Variants in PUDP observed in about 807,000 individuals in gnomAD.
PUDP encodes pseudouridine 5'-phosphatase.
Under a neutral mutation model 9.4 loss-of-function variants are expected in PUDP, and 8 were observed. That is an observed-to-expected ratio of 0.85 (90% confidence interval 0.50 to 1.53). PUDP has a LOEUF of 1.53. Among genes scored for constraint, PUDP ranks in the 40% most tolerant of loss-of-function variants. The probability of loss-of-function intolerance (pLI) is 0.00; values close to 1 mark genes in which losing one functional copy is unlikely to be tolerated. For missense variants in PUDP, 188 were observed against 189.7 expected, an observed-to-expected ratio of 0.99 and a Z score of 0.05; for synonymous variants, 99 against 80.7, an observed-to-expected ratio of 1.23 and a Z score of -1.22.
intron 2 of PUDP, among the ~76,000 whole-genome samples, chrX:7,077,656 C>G (rs757504800): frequency 8.9e-6 from 1 of 112,391 alleles, no homozygotes; most frequent in East Asian, 2.8e-4. Context: ...ATCAAAAAAG[C>G]TATTGGCGGT....
intron 3 of PUDP, among the ~76,000 whole-genome samples, chrX:6,745,676 C>G (rs1924991623): frequency 9.0e-6 from 1 of 111,245 alleles, no homozygotes; most frequent in Admixed American, 9.6e-5. Context: ...TGGGGTCTTG[C>G]TCTGTTACCC....
At chrX:6,815,798 T>C (rs1167101587) in intron 3 of PUDP, among the ~76,000 whole-genome samples, 4 of 109,933 alleles carry the variant, frequency 3.6e-5, no homozygotes, top group African/African-American at 1.3e-4. Context: ...CCTCAAATCA[T>C]TGAAATATAC....
chrX:6,778,623 G>C (rs771436220), intron 3 of PUDP, among the ~76,000 whole-genome samples: 132 of 112,472 alleles, frequency 1.2e-3, no homozygotes, highest in African/African-American at 4.0e-3. Context: ...ATAATCATTT[G>C]CATCCAGAGT....
intron 1 of PUDP, among the ~76,000 whole-genome samples, chrX:7,136,520 C>G (rs1383014557): frequency 8.9e-6 from 1 of 112,339 alleles, no homozygotes; most frequent in Non-Finnish European, 1.9e-5. Flanking sequence ...GCTAATTCTC[C>G]CATTCTGTCC....
intron 1 of PUDP, among the ~76,000 whole-genome samples, chrX:7,112,274 G>A (rs1932073387): frequency 8.9e-6 from 1 of 111,968 alleles, no homozygotes; most frequent in Non-Finnish European, 1.9e-5. Context: ...TTGATTACGG[G>A]TGCTGCCTGA....
intron 1 of PUDP, among the ~76,000 whole-genome samples, chrX:6,716,738 C>G (rs754147265): frequency 1.8e-5 from 2 of 110,475 alleles, no homozygotes; most frequent in African/African-American, 3.3e-5. Context: ...GTCCAAGTGA[C>G]CCCTGTGCCT....
At chrX:7,052,115 C>G (rs769941302) in intron 3 of PUDP, among the ~76,000 whole-genome samples, 6 of 109,758 alleles carry the variant, frequency 5.5e-5, no homozygotes, top group African/African-American at 1.7e-4. Flanking sequence ...TCACTGCAGC[C>G]TCTACCTCCC....
intron 3 of PUDP, among the ~76,000 whole-genome samples, chrX:6,849,060 G>A (rs1926790011): frequency 8.9e-6 from 1 of 112,240 alleles, no homozygotes. Context: ...TTCCTTTGGG[G>A]AAGTTACAAA....
At chrX:6,802,949 AATAAAATAAAATAAAATAAAATAAAAAT>A (rs1925966203) in intron 3 of PUDP, among the ~76,000 whole-genome samples, 3 of 23,973 alleles carry the variant, frequency 1.3e-4, no homozygotes, top group African/African-American at 2.7e-4. Context: ...AATAAAATAA[AATAAAATAAAATAAAATAAAATAAAAAT>A]ATAAAATAAA....
chrX:6,814,265 C>CT (rs1481486504), intron 3 of PUDP, among the ~76,000 whole-genome samples: 2 of 111,112 alleles, frequency 1.8e-5, no homozygotes, highest in African/African-American at 3.3e-5. Context: ...CCCTACAAAT[C>CT]TTTTTCTTCT....
intron 3 of PUDP, among the ~76,000 whole-genome samples, chrX:6,953,485 C>T (rs1245324991): frequency 9.4e-6 from 1 of 106,314 alleles, no homozygotes; most frequent in Non-Finnish European, 1.9e-5. Flanking sequence ...TAATACACCA[C>T]TTTTTTTTTC....
chrX:7,024,583 C>T (rs755938849), intron 1 of PUDP, among the ~76,000 whole-genome samples: 1 of 83,084 alleles, frequency 1.2e-5, no homozygotes, highest in African/African-American at 6.1e-5. Flanking sequence ...CATAACCTAG[C>T]CTTCTCTCTT....
intron 3 of PUDP, among the ~76,000 whole-genome samples, chrX:6,903,828 C>T (rs1337653037): frequency 9.1e-6 from 1 of 110,301 alleles, no homozygotes; most frequent in African/African-American, 3.3e-5. Context: ...TGAAAAATTA[C>T]CTATTGTGTA....
At position 6,951,361 on chromosome X, in the gene PUDP, G is replaced by A. The variant is rs1347630377; in HGVS notation, c.*247+25772C>T. Among the ~76,000 whole-genome samples the A allele has an allele frequency of 3.6e-5, 4 of 109,854 alleles. No homozygotes were observed. The Admixed American group carries it at 3.9e-4, about 11-fold the overall frequency. On this transcript the variant is annotated intron_variant and NMD_transcript_variant, in intron 3 of 3. Transcript: ENST00000655425. ...CTATCGAGCCATCCAACAAAATGCT[G>A]GATATTTTGTTCTGTATTCTTCCAA...
At chrX:6,870,144 GC>G (rs1249063105) in intron 3 of PUDP, among the ~76,000 whole-genome samples, 1 of 111,884 alleles carries the variant, frequency 8.9e-6, no homozygotes, top group African/African-American at 3.2e-5. Flanking sequence ...ATCATGCTTA[GC>G]GAAATAAGCT....
intron 3 of PUDP, among the ~76,000 whole-genome samples, chrX:6,789,627 G>A (rs1925705924): frequency 9.0e-6 from 1 of 111,358 alleles, no homozygotes; most frequent in Admixed American, 9.6e-5. Flanking sequence ...CTGATGGTTA[G>A]CTAGGGAGAA....
At chrX:6,920,254 T>C (rs77188620) in intron 3 of PUDP, among the ~76,000 whole-genome samples, 1 of 111,138 alleles carries the variant, frequency 9.0e-6, no homozygotes, top group South Asian at 3.9e-4. Flanking sequence ...CCCTTGGTCA[T>C]TGGTCATCAC....
chrX:7,102,634 C>T (rs1931771914), intron 2 of PUDP, among the ~76,000 whole-genome samples: 1 of 109,177 alleles, frequency 9.2e-6, no homozygotes, highest in African/African-American at 3.3e-5. Context: ...AAGGAAGAAA[C>T]AAAATTATCT....
chrX:6,876,667 GTGTGTT>G (rs2146736771), intron 3 of PUDP, among the ~76,000 whole-genome samples: 1 of 107,866 alleles, frequency 9.3e-6, no homozygotes, highest in African/African-American at 3.4e-5. Flanking sequence ...GTGTGTGTGT[GTGTGTT>G]TGTGTACACA....
Sources: gnomAD v4.1 joint callset for allele counts (sites outside exome capture counted in the v4.1 genomes callset) on GRCh38, gnomAD v4.1.1 for gene constraint, MANE v1.5 for transcripts, NCBI Gene and HGNC (gene_info 2026-07-23, HGNC 2026-07-21) for gene names.